The following SLC9A9 variants were observed in gnomAD, a reference collection of about 807,000 sequenced individuals.
SLC9A9 encodes the protein solute carrier family 9 member A9.
Under a neutral mutation model 77.8 loss-of-function variants are expected in SLC9A9, and 62 were observed. That is an observed-to-expected ratio of 0.80 (90% CI 0.65 to 0.98). The LOEUF (loss-of-function observed/expected upper bound fraction) is 0.98, where lower values mean the gene tolerates loss of function less well. Among genes scored for constraint, SLC9A9 ranks in the 50% least tolerant of loss-of-function variants. The probability of loss-of-function intolerance (pLI) is 0.00; values close to 1 mark genes in which losing one functional copy is unlikely to be tolerated. For missense variants in SLC9A9, 775 were observed against 774.9 expected (o/e 1.00, Z 0.00); for synonymous variants, 320 against 283.5 (o/e 1.13, Z -1.29).
At chr3:143,456,888 G>A (rs1244285884) in intron 12 of SLC9A9, among the ~76,000 whole-genome samples, 2 of 152,088 alleles carry the variant, frequency 1.3e-5, no homozygotes, top group African/African-American at 4.8e-5. Context: ...ATAGATACAG[G>A]ATGATTCAGT....
chr3:143,369,193 A>C (rs2032986252), intron 13 of SLC9A9, among the ~76,000 whole-genome samples: 2 of 152,236 alleles, frequency 1.3e-5, no homozygotes, highest in Non-Finnish European at 2.9e-5. Flanking sequence ...GTTAATCCAG[A>C]GATAAATAAA....
intron 11 of SLC9A9, among the ~76,000 whole-genome samples, chr3:143,481,930 T>G (rs12488097): frequency 0.46 from 69,855 of 152,016 alleles, 16,864 homozygotes; most frequent in East Asian, 0.65. Flanking sequence ...CCATTTATGT[T>G]TCCTTTCTGG....
At chr3:143,742,297 C>T (rs1935092614) in intron 4 of SLC9A9, among the ~76,000 whole-genome samples, 1 of 152,186 alleles carries the variant, frequency 6.6e-6, no homozygotes, top group African/African-American at 2.4e-5. Context: ...CCTTAAAAAA[C>T]TCTGTTCCTC....
At chr3:143,407,981 A>G (rs1392234333) in intron 12 of SLC9A9, among the ~76,000 whole-genome samples, 1 of 152,202 alleles carries the variant, frequency 6.6e-6, no homozygotes, top group Non-Finnish European at 1.5e-5. Context: ...ATGCTGGCCA[A>G]TTAAGTTCCT....
intron 1 of SLC9A9, among the ~76,000 whole-genome samples, chr3:143,842,297 C>A (rs188718847): frequency 2.3e-3 from 343 of 152,242 alleles, no homozygotes; most frequent in African/African-American, 7.4e-3. Flanking sequence ...AGGAGAATGG[C>A]GTGAACCTGG....
chr3:143,409,866 G>A (rs995526826), intron 12 of SLC9A9, among the ~76,000 whole-genome samples: 3 of 152,132 alleles, frequency 2.0e-5, no homozygotes, highest in African/African-American at 7.2e-5. Flanking sequence ...GTGTTGCTGG[G>A]GTTCTGGGCT....
chr3:143,725,379 T>C (rs1283617467), intron 4 of SLC9A9, among the ~76,000 whole-genome samples: 1 of 151,998 alleles, frequency 6.6e-6, no homozygotes, highest in African/African-American at 2.4e-5. Context: ...AGCCATCCCA[T>C]TACTGGGTAT....
intron 12 of SLC9A9, among the ~76,000 whole-genome samples, chr3:143,429,963 G>T (rs964454834): frequency 6.6e-6 from 1 of 152,184 alleles, no homozygotes; most frequent in Non-Finnish European, 1.5e-5. Flanking sequence ...AAGATGTACT[G>T]ATTCACTGGA....
chr3:143,305,826 G>A (rs1332448425), intron 14 of SLC9A9, among the ~76,000 whole-genome samples: 1 of 152,206 alleles, frequency 6.6e-6, no homozygotes, highest in African/African-American at 2.4e-5. Context: ...TGGAAACACG[G>A]CTTGAGTTAC....
At chr3:143,665,468 C>G (rs531244880) in intron 5 of SLC9A9, among the ~76,000 whole-genome samples, 4 of 151,656 alleles carry the variant, frequency 2.6e-5, no homozygotes, top group African/African-American at 7.3e-5. Flanking sequence ...TAGCAGAAGG[C>G]AATAAATAAA....
At chr3:143,684,272 G>C (rs534335038) in intron 5 of SLC9A9, among the ~76,000 whole-genome samples, 1 of 152,066 alleles carries the variant, frequency 6.6e-6, no homozygotes, top group Admixed American at 6.6e-5. Flanking sequence ...TAGTGTTGAT[G>C]ATGATACAGA....
At chr3:143,781,880 T>C (rs891437009) in intron 4 of SLC9A9, among the ~76,000 whole-genome samples, 8 of 152,322 alleles carry the variant, frequency 5.3e-5, no homozygotes, top group African/African-American at 1.9e-4. Context: ...AATAGAGCAA[T>C]AAAGCATCGC....
chr3:143,322,282 A>G (rs1208577298), intron 14 of SLC9A9, among the ~76,000 whole-genome samples: 1 of 152,146 alleles, frequency 6.6e-6, no homozygotes, highest in Non-Finnish European at 1.5e-5. Flanking sequence ...ATGTGGGTGG[A>G]CCTCACCAGT....
intron 9 of SLC9A9, among the ~76,000 whole-genome samples, chr3:143,550,164 G>A (rs1360329519): frequency 3.9e-5 from 6 of 152,146 alleles, no homozygotes; most frequent in Admixed American, 3.9e-4. Context: ...AGCTCATTCT[G>A]GAGGGCTTCA....
At chr3:143,436,155 G>C (rs377534600) in intron 12 of SLC9A9, among the ~76,000 whole-genome samples, 1 of 152,140 alleles carries the variant, frequency 6.6e-6, no homozygotes, top group Non-Finnish European at 1.5e-5. Flanking sequence ...AGGGCTGGGG[G>C]TGTCCACTGG....
intron 8 of SLC9A9, among the ~76,000 whole-genome samples, chr3:143,568,474 C>A (rs1228246331): frequency 6.6e-6 from 1 of 152,108 alleles, no homozygotes; most frequent in African/African-American, 2.4e-5. Context: ...GCCTATATGT[C>A]TTCATTTTTT....
At chr3:143,417,316 C>G (rs796467848) in intron 12 of SLC9A9, among the ~76,000 whole-genome samples, 7 of 152,160 alleles carry the variant, frequency 4.6e-5, no homozygotes, top group South Asian at 2.1e-4. Context: ...TGCCTTCCCC[C>G]CAAAGTTTAC....
chr3:143,574,050 T>A, intron 8 of SLC9A9, 38 bp downstream of exon 8: 10 of 1,556,462 alleles, frequency 6.4e-6, no homozygotes, highest in Non-Finnish European at 8.9e-6. Flanking sequence ...ACACACATAT[T>A]CACACATCCA....
intron 4 of SLC9A9, among the ~76,000 whole-genome samples, chr3:143,743,205 A>AGATG (rs34152223): frequency 0.098 from 13,599 of 138,954 alleles, 1,066 homozygotes; most frequent in East Asian, 0.12. Flanking sequence ...ATAGATGGAT[A>AGATG]GATGGATGGA....
Sources: gnomAD v4.1 joint callset for allele counts (sites outside exome capture counted in the v4.1 genomes callset) on GRCh38, gnomAD v4.1.1 for gene constraint, MANE v1.5 for transcripts, NCBI Gene and HGNC (gene_info 2026-07-23, HGNC 2026-07-21) for gene names.